The following DOCK3 variants were observed in gnomAD, a reference collection of about 807,000 sequenced individuals.
The protein encoded by DOCK3 is dedicator of cytokinesis protein 3.
Under a neutral mutation model 265.6 loss-of-function variants are expected in DOCK3, and 60 were observed. That is an observed-to-expected ratio of 0.23 (90% CI 0.18 to 0.28). The LOEUF is 0.28. Ranked by LOEUF, DOCK3 falls within the 10% of genes least tolerant of loss-of-function variation. The pLI, the probability that DOCK3 is intolerant of heterozygous loss-of-function variation, is 1.00. For missense variants in DOCK3, 1,981 were observed against 2,594.3 expected (o/e 0.76, Z 5.14); for synonymous variants, 881 against 938.0 (o/e 0.94, Z 1.11).
At chr3:50,866,377 C>G (rs1022838588) in intron 3 of DOCK3, among the ~76,000 whole-genome samples, 1 of 151,824 alleles carries the variant, frequency 6.6e-6, no homozygotes, top group African/African-American at 2.4e-5. Context: ...CCCAGCTACT[C>G]GGGAGGCTGA....
chr3:50,837,079 T>C (rs2045554938), intron 2 of DOCK3, among the ~76,000 whole-genome samples: 1 of 152,198 alleles, frequency 6.6e-6, no homozygotes, highest in African/African-American at 2.4e-5. Context: ...AGTTCCAAAC[T>C]TTCCCACATC....
At position 50,869,342 on chromosome 3, in the gene DOCK3, ATTTTTTTT is replaced by A. The variant is rs755531254; in HGVS notation, c.163-20643_163-20636del. 1.0e-4 allele frequency among the ~76,000 whole-genome samples: 7 copies of A among 70,106 alleles called. 2 individuals are homozygous for A. The highest frequency in any genetic ancestry group is 4.0e-4 in the African/African-American group (6 of 15,142). 46.0% of individuals were successfully genotyped at this position (70,106 alleles called of 152,430 possible). On this transcript the variant is annotated intron_variant, in intron 3 of 52. Transcript: ENST00000266037. Reference sequence around the variant, plus strand: ...TCAATTTTATTTATTTCTGCTGGGAATTTTTTTTTTTTTTTTTTTTTTTTTTTTTTTTT... The same window carrying A: ...TCAATTTTATTTATTTCTGCTGGGAATTTTTTTTTTTTTTTTTTTTTTTTT...
At chr3:50,969,871 A>G (rs550761072) in intron 5 of DOCK3, among the ~76,000 whole-genome samples, 1 of 152,254 alleles carries the variant, frequency 6.6e-6, no homozygotes, top group Non-Finnish European at 1.5e-5. Context: ...GGAGATCAAG[A>G]CCATCTGGCT....
At chr3:51,239,786 G>C (rs1000873205) in intron 21 of DOCK3, among the ~76,000 whole-genome samples, 3 of 151,722 alleles carry the variant, frequency 2.0e-5, no homozygotes, top group Non-Finnish European at 2.9e-5. Flanking sequence ...TATTTCTGTG[G>C]GGTCAAAGGG....
chr3:51,212,431 G>GT (rs1198836971), intron 13 of DOCK3, among the ~76,000 whole-genome samples: 5,627 of 112,122 alleles, frequency 0.05, 219 homozygotes, highest in African/African-American at 0.11. Context: ...TACACCCACT[G>GT]TTTTTTTTTT....
intron 7 of DOCK3, among the ~76,000 whole-genome samples, chr3:51,078,850 T>G (rs1033298663): frequency 1.3e-5 from 2 of 152,210 alleles, no homozygotes; most frequent in African/African-American, 4.8e-5. Flanking sequence ...TACTGTGTGT[T>G]ATCCAGGAAA....
intron 5 of DOCK3, among the ~76,000 whole-genome samples, chr3:50,972,621 T>G (rs1443577158): frequency 2.0e-5 from 3 of 152,108 alleles, no homozygotes; most frequent in Non-Finnish European, 4.4e-5. Context: ...ACCCTGAAGC[T>G]CTCCTCGGTT....
intron 1 of DOCK3, among the ~76,000 whole-genome samples, chr3:50,688,901 C>G (rs940174456): frequency 6.6e-6 from 1 of 152,288 alleles, no homozygotes; most frequent in East Asian, 1.9e-4. Context: ...CTCATTTTGC[C>G]TAGAGCTAGC....
chr3:51,354,828 G>C (rs753095086), intron 40 of DOCK3, 54 bp from the exon 41 acceptor site: 22 of 1,586,522 alleles, frequency 1.4e-5, no homozygotes, highest in Non-Finnish European at 1.7e-5. Context: ...CCAGGGTGGA[G>C]GTGGGGGGCT....
chr3:51,088,395 A>G (rs1409845511), intron 7 of DOCK3, among the ~76,000 whole-genome samples: 1 of 152,220 alleles, frequency 6.6e-6, no homozygotes, highest in Non-Finnish European at 1.5e-5. Context: ...TACATTTCAA[A>G]GTAGCTAGAA....
intron 22 of DOCK3, among the ~76,000 whole-genome samples, chr3:51,253,090 C>G (rs890463597): frequency 6.6e-6 from 1 of 152,166 alleles, no homozygotes; most frequent in Non-Finnish European, 1.5e-5. Flanking sequence ...TGAATTTTGT[C>G]AAAGGACTTT....
intron 3 of DOCK3, among the ~76,000 whole-genome samples, chr3:50,848,576 G>C (rs1284696592): frequency 6.6e-6 from 1 of 152,084 alleles, no homozygotes; most frequent in Non-Finnish European, 1.5e-5. Flanking sequence ...TGAAATTCTT[G>C]GTTGGAATTT....
At chr3:50,676,940 A>G (rs1318175017) in intron 1 of DOCK3, among the ~76,000 whole-genome samples, 5 of 152,242 alleles carry the variant, frequency 3.3e-5, no homozygotes, top group East Asian at 1.9e-4. Flanking sequence ...TATTTAGACT[A>G]ATAACACTAA....
intron 38 of DOCK3, among the ~76,000 whole-genome samples, chr3:51,342,652 A>G (rs2085316286): frequency 6.6e-6 from 1 of 152,196 alleles, no homozygotes; most frequent in Non-Finnish European, 1.5e-5. Context: ...AGTTATCCTA[A>G]TCTGACTGAG....
At chr3:51,083,306 A>G (rs190528508) in intron 7 of DOCK3, among the ~76,000 whole-genome samples, 7 of 152,356 alleles carry the variant, frequency 4.6e-5, no homozygotes, top group Admixed American at 4.6e-4. Context: ...GTCTTTCCCT[A>G]TGTAAACCAA....
chr3:50,962,479 C>G (rs1185916473), intron 5 of DOCK3, among the ~76,000 whole-genome samples: 1 of 152,130 alleles, frequency 6.6e-6, no homozygotes, highest in African/African-American at 2.4e-5. Flanking sequence ...TTCATGAGGA[C>G]TAGATACCTG....
At chr3:51,330,104 A>T in intron 32 of DOCK3, 34 bp from the exon 33 acceptor site, 1 of 1,565,190 alleles carries the variant, frequency 6.4e-7, no homozygotes, top group Middle Eastern at 1.7e-4. Context: ...TTCTGAGGTC[A>T]TCTCAGGTTT....
At chr3:50,743,327 A>T (rs1267977887) in intron 1 of DOCK3, among the ~76,000 whole-genome samples, 1 of 152,174 alleles carries the variant, frequency 6.6e-6, no homozygotes, top group Non-Finnish European at 1.5e-5. Context: ...TTACAGGATC[A>T]AATTCACACA....
chr3:50,964,719 T>TA, intron 5 of DOCK3, among the ~76,000 whole-genome samples: 1 of 152,040 alleles, frequency 6.6e-6, no homozygotes, highest in South Asian at 2.1e-4. Context: ...AAATAATGAC[T>TA]AAAAAAATTA....
Sources: gnomAD v4.1 joint callset for allele counts (sites outside exome capture counted in the v4.1 genomes callset) on GRCh38, gnomAD v4.1.1 for gene constraint, MANE v1.5 for transcripts, NCBI Gene and HGNC (gene_info 2026-07-23, HGNC 2026-07-21) for gene names.